The following RPH3A variants were observed in gnomAD, a reference collection of about 807,000 sequenced individuals.
The protein encoded by RPH3A is rabphilin-3A.
Under a neutral mutation model 102.2 loss-of-function variants are expected in RPH3A, and 48 were observed. The observed-to-expected ratio is 0.47, with a 90% CI of 0.37 to 0.60. The LOEUF (loss-of-function observed/expected upper bound fraction) is 0.60, where lower values mean the gene tolerates loss of function less well. RPH3A is among the 20% of genes least tolerant of loss of function. The pLI is 0.00. For synonymous variants in RPH3A, 310 were observed against 324.3 expected (o/e 0.96, Z 0.47); for missense variants, 781 against 910.1 (o/e 0.86, Z 1.83).
At chr12:112,850,301 A>G (rs1202153903) in intron 5 of RPH3A, among the ~76,000 whole-genome samples, 3 of 152,144 alleles carry the variant, frequency 2.0e-5, no homozygotes, top group Non-Finnish European at 4.4e-5. Flanking sequence ...CTTAATAAAT[A>G]ATGGCAATTA....
At chr12:112,754,251 A>G (rs1215118436) in intron 1 of RPH3A, among the ~76,000 whole-genome samples, 1 of 152,230 alleles carries the variant, frequency 6.6e-6, no homozygotes, top group African/African-American at 2.4e-5. Context: ...GCCTCAGTTT[A>G]TCATCTGTAA....
chr12:112,767,169 A>C (rs2040895644), intron 1 of RPH3A, among the ~76,000 whole-genome samples: 1 of 152,180 alleles, frequency 6.6e-6, no homozygotes, highest in African/African-American at 2.4e-5. Flanking sequence ...TGGTTTTCCC[A>C]GTGGCCCAGA....
intron 1 of RPH3A, among the ~76,000 whole-genome samples, chr12:112,682,291 A>G (rs2040231815): frequency 6.6e-6 from 1 of 152,018 alleles, no homozygotes; most frequent in African/African-American, 2.4e-5. Context: ...TCTGATGTTT[A>G]AGGGCAGGAG....
intron 1 of RPH3A, among the ~76,000 whole-genome samples, chr12:112,626,880 TA>T (rs1453247913): frequency 8.8e-5 from 6 of 68,008 alleles, no homozygotes; most frequent in African/African-American, 3.5e-4. Context: ...TATGCAGCCA[TA>T]AAAAATGATG....
chr12:112,666,372 C>T (rs1455651915), intron 1 of RPH3A, among the ~76,000 whole-genome samples: 3 of 152,142 alleles, frequency 2.0e-5, no homozygotes, highest in African/African-American at 7.2e-5. Flanking sequence ...TCTTCCCTGG[C>T]CAGTCTTTGG....
chr12:112,660,770 A>G (rs1440888605), intron 1 of RPH3A, among the ~76,000 whole-genome samples: 5 of 152,192 alleles, frequency 3.3e-5, no homozygotes, highest in Non-Finnish European at 7.3e-5. Context: ...AGATTAAGCA[A>G]CACGCCCACA....
At chr12:112,716,296 T>A (rs941895077) in intron 1 of RPH3A, among the ~76,000 whole-genome samples, 37 of 152,196 alleles carry the variant, frequency 2.4e-4, no homozygotes, top group African/African-American at 8.0e-4. Flanking sequence ...CTACACAAGA[T>A]GGAGTCACTC....
intron 1 of RPH3A, among the ~76,000 whole-genome samples, chr12:112,630,668 C>CG: frequency 6.6e-6 from 1 of 152,204 alleles, no homozygotes; most frequent in South Asian, 2.1e-4. Flanking sequence ...AGATTCTGGG[C>CG]GGGGAACCAG....
At chr12:112,699,638 C>A (rs1177825758) in intron 1 of RPH3A, among the ~76,000 whole-genome samples, 2 of 152,136 alleles carry the variant, frequency 1.3e-5, no homozygotes, top group Non-Finnish European at 2.9e-5. Context: ...GAGAAAGAAA[C>A]AGTAAAGAAC....
At chr12:112,637,377 T>G (rs2039856173) in intron 1 of RPH3A, among the ~76,000 whole-genome samples, 2 of 152,192 alleles carry the variant, frequency 1.3e-5, no homozygotes, top group African/African-American at 4.8e-5. Flanking sequence ...GATGAACTCA[T>G]GACCATTGTT....
rs145091912 is a variant in RPH3A, at chr12:112,870,474, C to T, written c.796+435C>T. Among the ~76,000 whole-genome samples, 166 of 152,188 alleles carry T rather than the reference C, an allele frequency of 1.1e-3. No individual in the cohort carries two copies. In the Middle Eastern group the frequency reaches 0.014, roughly 12 times the overall value. ...ATGGCCAGGATGTCACTGACATGTG[C>T]TCGTATTGGGTACCTCACATTTCTG... On this transcript the variant is annotated intron_variant, in intron 10 of 21. Transcript: ENST00000389385.
At chr12:112,617,565 G>C (rs145860039) in intron 1 of RPH3A, among the ~76,000 whole-genome samples, 1 of 152,302 alleles carries the variant, frequency 6.6e-6, no homozygotes, top group Non-Finnish European at 1.5e-5. Context: ...GTCCTCCATG[G>C]CTCCCAGAAC....
intron 1 of RPH3A, among the ~76,000 whole-genome samples, chr12:112,728,396 AG>A (rs1183204423): frequency 6.6e-6 from 1 of 152,106 alleles, no homozygotes; most frequent in East Asian, 1.9e-4. Context: ...CTTTGGCAGG[AG>A]GACCATAACC....
At chr12:112,834,451 G>T (rs983122459) in intron 3 of RPH3A, among the ~76,000 whole-genome samples, 3 of 152,184 alleles carry the variant, frequency 2.0e-5, no homozygotes, top group Admixed American at 6.5e-5. Flanking sequence ...TTTCTTTGGG[G>T]TAATTACCTA....
intron 1 of RPH3A, among the ~76,000 whole-genome samples, chr12:112,755,298 T>TACAC (rs58229294): frequency 0.014 from 2,112 of 145,848 alleles, 21 homozygotes; most frequent in Admixed American, 0.034. Context: ...TATATGTATA[T>TACAC]ACACACACAC....
chr12:112,894,718 C>T, intron 20 of RPH3A, 59 bp downstream of exon 20: 3 of 1,398,834 alleles, frequency 2.1e-6, no homozygotes, highest in South Asian at 2.5e-5. Context: ...TAGAGAGGCA[C>T]AAATAGCCAC....
At chr12:112,835,405 A>G (rs2042032653) in intron 3 of RPH3A, among the ~76,000 whole-genome samples, 1 of 152,224 alleles carries the variant, frequency 6.6e-6, no homozygotes, top group Non-Finnish European at 1.5e-5. Context: ...TCCATCCATC[A>G]GAGTTTACTT....
intron 1 of RPH3A, among the ~76,000 whole-genome samples, chr12:112,744,396 T>C (rs543670835): frequency 9.9e-5 from 15 of 152,280 alleles, no homozygotes; most frequent in African/African-American, 3.6e-4. Context: ...TTTCTATTTG[T>C]AAAACAAAAG....
chr12:112,655,315 A>T (rs2040003220), intron 1 of RPH3A, among the ~76,000 whole-genome samples: 1 of 152,248 alleles, frequency 6.6e-6, no homozygotes, highest in African/African-American at 2.4e-5. Flanking sequence ...CAGCACTTGC[A>T]GACGCACCAC....
Sources: allele counts gnomAD v4.1 joint callset (sites outside exome capture counted in the v4.1 genomes callset), GRCh38; gene constraint gnomAD v4.1.1; transcripts MANE v1.5; gene names NCBI Gene and HGNC (gene_info 2026-07-23, HGNC 2026-07-21).